Variants in FRMD4A observed in about 807,000 individuals in gnomAD.
FRMD4A encodes the protein FERM domain-containing protein 4A.
FRMD4A carries 29 observed loss-of-function variants against 129.1 expected under a neutral mutation model. The ratio of observed to expected loss-of-function variants is 0.22; its 90% CI spans 0.17 to 0.31. FRMD4A has a LOEUF of 0.31. Ranked by LOEUF, FRMD4A falls within the 10% of genes least tolerant of loss-of-function variation. FRMD4A has a pLI of 1.00. For missense variants in FRMD4A, 1,272 were observed against 1,375.8 expected, an observed-to-expected ratio of 0.92 and a Z score of 1.19; for synonymous variants, 634 against 571.6, an observed-to-expected ratio of 1.11 and a Z score of -1.56.
intron 2 of FRMD4A, among the ~76,000 whole-genome samples, chr10:14,124,474 G>A (rs1417582419): frequency 2.6e-5 from 4 of 152,116 alleles, no homozygotes; most frequent in African/African-American, 4.8e-5. Flanking sequence ...TCAGGAGTTC[G>A]AGACCAGCCT....
In FRMD4A at chr10:13,657,342, C is replaced by A. The variant is rs762101517; in HGVS notation, c.2247G>T (p.Ser749=). 1.2e-6 allele frequency: 2 copies of A among 1,608,634 alleles called. No homozygotes were observed. Among genetic ancestry groups the A allele is most frequent in the Admixed American group, 1.7e-5 (1 of 59,782 alleles). ...NGSDPMDDCS[S]CTSHSSSEHY... ...GCTCCGAGCTCGAGTGGCTGGTGCA[C>A]GACGAGCAGTCGTCCATGGGGTCTG... Residue 749 remains serine, a synonymous_variant, in exon 22 of 25, where the codon TCG becomes TCT. Coordinates refer to ENST00000357447, the MANE Select transcript of FRMD4A (RefSeq NM_018027.5).
chr10:13,853,624 A>G (rs539053442), intron 3 of FRMD4A, among the ~76,000 whole-genome samples: 1 of 152,174 alleles, frequency 6.6e-6, no homozygotes, highest in East Asian at 1.9e-4. Context: ...ACCTGAGGTC[A>G]GGAATTCCAG....
At chr10:13,718,150 G>T (rs556326756) in intron 12 of FRMD4A, among the ~76,000 whole-genome samples, 1 of 152,342 alleles carries the variant, frequency 6.6e-6, no homozygotes, top group South Asian at 2.1e-4. Flanking sequence ...CCTTGGTTTC[G>T]GTGGGCACCA....
chr10:13,761,521 G>T, intron 8 of FRMD4A, 126 bp downstream of exon 8: 1 of 699,796 alleles, frequency 1.4e-6, no homozygotes. Flanking sequence ...TTGAGAGTTA[G>T]ATCTCATCAT....
chr10:14,265,736 TAG>T (rs1844955236), intron 2 of FRMD4A, among the ~76,000 whole-genome samples: 1 of 152,068 alleles, frequency 6.6e-6, no homozygotes. Flanking sequence ...TTCTAGGAAA[TAG>T]AGATAGTTCA....
chr10:13,884,144 T>TCACCCCCACACACACTCACACACACA (rs773933481), intron 2 of FRMD4A, among the ~76,000 whole-genome samples: 1 of 105,098 alleles, frequency 9.5e-6, no homozygotes, highest in African/African-American at 4.1e-5. Flanking sequence ...TCACACACAC[T>TCACCCCCACACACACTCACACACACA]CTCACACACT....
At position 14,034,325 on chromosome 10, in the gene FRMD4A, G is replaced by A. The variant is rs4528212; in HGVS notation, c.46-175413C>T. Among the ~76,000 whole-genome samples, 170 of 152,300 alleles carry A rather than the reference G, an allele frequency of 1.1e-3. 1 individual carries two copies. Among genetic ancestry groups the A allele is most frequent in the African/African-American group, 3.7e-3 (154 of 41,564 alleles). ...AGGTGAGGGCAGGTCTCGGGGTTCC[G>A]AGTGATGAGAATCCAGAGACGCACG... On this transcript the variant is annotated intron_variant, in intron 2 of 24. Transcript: ENST00000357447.
chr10:13,688,205 T>G (rs934751829), intron 15 of FRMD4A, among the ~76,000 whole-genome samples: 1 of 152,184 alleles, frequency 6.6e-6, no homozygotes, highest in Non-Finnish European at 1.5e-5. Context: ...CATGGAATAC[T>G]ATGCAGCCAT....
intron 2 of FRMD4A, among the ~76,000 whole-genome samples, chr10:14,084,550 G>A (rs780468470): frequency 1.2e-4 from 18 of 152,200 alleles, no homozygotes; most frequent in Non-Finnish European, 2.2e-4. Context: ...GAGGAGAGAT[G>A]TCCTTTCCTG....
intron 15 of FRMD4A, among the ~76,000 whole-genome samples, chr10:13,690,616 A>G (rs1199254228): frequency 6.6e-6 from 1 of 152,164 alleles, no homozygotes; most frequent in East Asian, 1.9e-4. Context: ...TAAGAGTGGG[A>G]CCTGCCCTCG....
At chr10:14,151,881 C>T (rs888497714) in intron 2 of FRMD4A, among the ~76,000 whole-genome samples, 2 of 152,154 alleles carry the variant, frequency 1.3e-5, no homozygotes, top group African/African-American at 2.4e-5. Flanking sequence ...GTTCCCACTT[C>T]AGCCCAAAGG....
At chr10:14,128,109 C>A (rs1839029084) in intron 2 of FRMD4A, among the ~76,000 whole-genome samples, 1 of 84,038 alleles carries the variant, frequency 1.2e-5, no homozygotes. Flanking sequence ...TCTTTCTTTT[C>A]TTTTCTTTTC....
chr10:14,095,431 T>C (rs1245021138), intron 2 of FRMD4A, among the ~76,000 whole-genome samples: 5 of 152,250 alleles, frequency 3.3e-5, no homozygotes, highest in Admixed American at 6.5e-5. Flanking sequence ...TTGATGCCAT[T>C]TTTATTGTAA....
rs1409527604 is a variant in FRMD4A at position 13,644,934 on chromosome 10, T to A, written c.*2104A>T. 2 of 152,262 alleles carry A rather than the reference T, an allele frequency of 1.3e-5. No individual in the cohort carries two copies. The highest frequency in any genetic ancestry group is 4.8e-5 in the African/African-American group (2 of 41,464). The allele number at this position is 152,262 out of a possible 1,614,324, so 9.4% of individuals were successfully genotyped here. ...TCCTGCAGGTGTACACTTAAAGCGT[T>A]CTGGGAATATGAATCCCTTCTGCAC... On this transcript the variant is annotated 3_prime_UTR_variant, in exon 25 of 25. Transcript: ENST00000357447.
At chr10:13,727,134 T>G (rs2089955544) in intron 12 of FRMD4A, among the ~76,000 whole-genome samples, 1 of 151,974 alleles carries the variant, frequency 6.6e-6, no homozygotes, top group African/African-American at 2.4e-5. Flanking sequence ...ATTCCTAACC[T>G]CAAGTGACCC....
intron 2 of FRMD4A, among the ~76,000 whole-genome samples, chr10:14,128,093 TTTCTTTCTTTC>T (rs1839024104): frequency 2.1e-5 from 2 of 94,794 alleles, no homozygotes; most frequent in African/African-American, 4.0e-5. Flanking sequence ...TCTTTCTTTC[TTTCTTTCTTTC>T]TTTTCTTTTC....
At chr10:13,680,117 G>C (rs2084410103) in intron 15 of FRMD4A, among the ~76,000 whole-genome samples, 1 of 152,214 alleles carries the variant, frequency 6.6e-6, no homozygotes. Flanking sequence ...ACTCCAGGAA[G>C]AAATTGAGGC....
intron 3 of FRMD4A, among the ~76,000 whole-genome samples, chr10:13,847,696 G>T: frequency 6.6e-6 from 1 of 152,206 alleles, no homozygotes; most frequent in South Asian, 2.1e-4. Flanking sequence ...CAGCAGAGCT[G>T]AGGAAGAACA....
intron 2 of FRMD4A, among the ~76,000 whole-genome samples, chr10:14,152,120 T>C (rs1345301822): frequency 0.017 from 1,942 of 116,386 alleles, 47 homozygotes; most frequent in Non-Finnish European, 0.027. Context: ...TGTAGTGCTT[T>C]TTTTTTTTTT....
Sources: gnomAD v4.1 joint callset for allele counts (sites outside exome capture counted in the v4.1 genomes callset) on GRCh38, gnomAD v4.1.1 for gene constraint, MANE v1.5 for transcripts, NCBI Gene and HGNC (gene_info 2026-07-23, HGNC 2026-07-21) for gene names.